The following CYTH3 variants were observed in gnomAD, a reference collection of about 807,000 sequenced individuals.
CYTH3 encodes cytohesin 3, also known as cytohesin-3.
In CYTH3, 23 loss-of-function variants were observed where a neutral mutation model predicts 55.1. That is an observed-to-expected ratio of 0.42 (90% CI 0.30 to 0.59). The LOEUF (loss-of-function observed/expected upper bound fraction) is 0.59, where lower values mean the gene tolerates loss of function less well. Ranked by LOEUF, CYTH3 falls within the 20% of genes least tolerant of loss-of-function variation. The pLI, the probability that CYTH3 is intolerant of heterozygous loss-of-function variation, is 0.20. For synonymous variants in CYTH3, 249 were observed against 194.9 expected, an observed-to-expected ratio of 1.28 and a Z score of -2.31; for missense variants, 413 against 524.8, an observed-to-expected ratio of 0.79 and a Z score of 2.08.
chr7:6,245,417 A>G (rs1214842095), intron 1 of CYTH3, among the ~76,000 whole-genome samples: 2 of 152,014 alleles, frequency 1.3e-5, no homozygotes, highest in Non-Finnish European at 2.9e-5. Context: ...GACTGCTGAT[A>G]CTCTGATGGG....
At chr7:6,223,453 A>G (rs1000553205) in intron 1 of CYTH3, among the ~76,000 whole-genome samples, 1 of 152,228 alleles carries the variant, frequency 6.6e-6, no homozygotes, top group African/African-American at 2.4e-5. Flanking sequence ...TGTAGAAAGA[A>G]GTTGACATAG....
At chr7:6,226,711 T>G (rs1333502565) in intron 1 of CYTH3, among the ~76,000 whole-genome samples, 1 of 152,190 alleles carries the variant, frequency 6.6e-6, no homozygotes, top group Non-Finnish European at 1.5e-5. Flanking sequence ...TCAAAGGCTG[T>G]AAGAACTTGA....
chr7:6,225,341 T>C (rs996600533), intron 1 of CYTH3, among the ~76,000 whole-genome samples: 1 of 151,776 alleles, frequency 6.6e-6, no homozygotes, highest in African/African-American at 2.4e-5. Context: ...TACATTAAGA[T>C]GAAGGAAAAA....
chr7:6,170,559 G>C lies in CYTH3; in HGVS notation c.799C>G (p.Arg267Gly). ...DLTHTFFNPD[R>G]EGWLLKLGGR... is the part of the protein sequence containing the mutation. ...CCCAGCTTCAGGAGCCAGCCCTCGC[G>C]GTCGGGGTTGAAGAAGGTGTGGGTC... Residue 267 changes from arginine (R) to glycine (G), a missense_variant, in exon 9 of 13, where the codon CGC becomes GGC. Coordinates refer to ENST00000350796, the MANE Select transcript of CYTH3 (RefSeq NM_004227.4). This position sits in a 1 kb window ranked among gnomAD's most constrained non-coding sequence, Gnocchi z 7.8. 3 of 1,613,994 alleles carry C rather than the reference G, an allele frequency of 1.9e-6. No homozygotes were observed. Among genetic ancestry groups the C allele is most frequent in the Non-Finnish European group, 2.5e-6 (3 of 1,179,892 alleles).
intron 1 of CYTH3, among the ~76,000 whole-genome samples, chr7:6,203,456 G>C (rs550075077): frequency 6.6e-6 from 1 of 152,072 alleles, no homozygotes; most frequent in Non-Finnish European, 1.5e-5. Flanking sequence ...TATGAGTCTA[G>C]TCATTGCCAC....
chr7:6,194,683 A>T (rs1445648288), intron 1 of CYTH3, among the ~76,000 whole-genome samples: 1 of 151,684 alleles, frequency 6.6e-6, no homozygotes, highest in Non-Finnish European at 1.5e-5. Context: ...TGTGTAGATT[A>T]AAAAAGTAAA....
intron 1 of CYTH3, among the ~76,000 whole-genome samples, chr7:6,246,239 T>TA (rs1209617324): frequency 6.6e-6 from 1 of 151,766 alleles, no homozygotes; most frequent in Non-Finnish European, 1.5e-5. Context: ...ATAATTTTTT[T>TA]TTTTTTTTTA....
chr7:6,168,177 C>T (rs1167969574), intron 9 of CYTH3, among the ~76,000 whole-genome samples: 4 of 151,686 alleles, frequency 2.6e-5, no homozygotes, highest in African/African-American at 4.8e-5. Context: ...TCCACATGCA[C>T]ACACTTTCTG....
chr7:6,207,348 C>T (rs1784216986), intron 1 of CYTH3, among the ~76,000 whole-genome samples: 1 of 152,138 alleles, frequency 6.6e-6, no homozygotes, highest in Non-Finnish European at 1.5e-5. Flanking sequence ...CTTGCCTCAG[C>T]CTCCCAAAGT....
chr7:6,217,276 T>G (rs1042025457), intron 1 of CYTH3, among the ~76,000 whole-genome samples: 1 of 151,958 alleles, frequency 6.6e-6, no homozygotes, highest in African/African-American at 2.4e-5. Flanking sequence ...ATTGGCAGAG[T>G]AGAATTTAAA....
At chr7:6,236,221 T>G (rs923410220) in intron 1 of CYTH3, among the ~76,000 whole-genome samples, 1 of 152,104 alleles carries the variant, frequency 6.6e-6, no homozygotes, top group Non-Finnish European at 1.5e-5. Context: ...ATTTTTTTTG[T>G]GAGACAGAGT....
At position 6,226,851 on chromosome 7, in the gene CYTH3, T is replaced by C. The variant is rs575573181; in HGVS notation, c.35-36320A>G. ...ATCCTAGCACTTTGGGAGGCCAAGGTGGGCGGATCACGAGGTCAGGAGATC... is the reference window on the plus strand; with the variant it reads ...ATCCTAGCACTTTGGGAGGCCAAGGCGGGCGGATCACGAGGTCAGGAGATC... On this transcript the variant is annotated intron_variant, in intron 1 of 12. Coordinates refer to ENST00000350796, the MANE Select transcript of CYTH3 (RefSeq NM_004227.4). Among the ~76,000 whole-genome samples, 829 of 152,044 alleles carry C rather than the reference T, an allele frequency of 5.5e-3. 8 individuals are homozygous for C. Among genetic ancestry groups the C allele is most frequent in the Non-Finnish European group, 9.9e-3 (672 of 67,972 alleles).
intron 1 of CYTH3, among the ~76,000 whole-genome samples, chr7:6,234,744 C>G (rs1583184269): frequency 6.6e-6 from 1 of 152,160 alleles, no homozygotes; most frequent in African/African-American, 2.4e-5. Flanking sequence ...CAGGGCTAAC[C>G]CCTTTGAACA....
intron 1 of CYTH3, among the ~76,000 whole-genome samples, chr7:6,207,398 A>C (rs1201462514): frequency 6.6e-6 from 1 of 152,030 alleles, no homozygotes; most frequent in Non-Finnish European, 1.5e-5. Flanking sequence ...CCGACCTAAA[A>C]TGTGCATCTT....
At chr7:6,244,762 G>A (rs1018557098) in intron 1 of CYTH3, among the ~76,000 whole-genome samples, 1 of 152,034 alleles carries the variant, frequency 6.6e-6, no homozygotes, top group Non-Finnish European at 1.5e-5. Context: ...CATCCTGGAG[G>A]AAAGACTGGA....
At chr7:6,269,152 G>T (rs1355064618) in intron 1 of CYTH3, among the ~76,000 whole-genome samples, 1 of 152,162 alleles carries the variant, frequency 6.6e-6, no homozygotes, top group South Asian at 2.1e-4. Flanking sequence ...CCTGGGAAAT[G>T]TTGCCTGCAG....
chr7:6,272,392 G>A, intron 1 of CYTH3, 82 bp downstream of exon 1: 2 of 1,224,292 alleles, frequency 1.6e-6, no homozygotes, highest in East Asian at 3.8e-5. Flanking sequence ...GCGAACCCCG[G>A]CCCAGCGCCG....
At chr7:6,249,646 T>C (rs751015231) in intron 1 of CYTH3, among the ~76,000 whole-genome samples, 1 of 152,238 alleles carries the variant, frequency 6.6e-6, no homozygotes, top group African/African-American at 2.4e-5. Flanking sequence ...GGTTTCCCAT[T>C]TGTAGTTTCC....
At chr7:6,214,660 A>G (rs1784388893) in intron 1 of CYTH3, among the ~76,000 whole-genome samples, 1 of 152,198 alleles carries the variant, frequency 6.6e-6, no homozygotes, top group East Asian at 1.9e-4. Context: ...TCACCAAACC[A>G]TACAAAACAA....
Sources: allele counts gnomAD v4.1 joint callset (sites outside exome capture counted in the v4.1 genomes callset), GRCh38; gene constraint gnomAD v4.1.1; non-coding constraint Gnocchi (gnomAD v3.1); transcripts MANE v1.5; gene names NCBI Gene and HGNC (gene_info 2026-07-23, HGNC 2026-07-21).